The following SV2C variants were observed in gnomAD, a reference collection of about 807,000 sequenced individuals.
SV2C encodes solute carrier family 22 member B3.
Under a neutral mutation model 79.7 loss-of-function variants are expected in SV2C, and 49 were observed. The ratio of observed to expected loss-of-function variants is 0.61; its 90% CI spans 0.49 to 0.78. The LOEUF (loss-of-function observed/expected upper bound fraction) is 0.78, where lower values mean the gene tolerates loss of function less well. Ranked by LOEUF, SV2C falls within the 30% of genes least tolerant of loss-of-function variation. The probability of loss-of-function intolerance (pLI) is 0.00; values close to 1 mark genes in which losing one functional copy is unlikely to be tolerated. For missense variants in SV2C, 833 were observed against 912.9 expected (o/e 0.91, Z 1.13); for synonymous variants, 334 against 333.2 (o/e 1.00, Z -0.03).
At position 76,219,262 on chromosome 5, in the gene SV2C, A is replaced by G. The variant is rs191507373; in HGVS notation, c.913+9375A>G. On this transcript the variant is annotated intron_variant, in intron 4 of 12. Transcript: ENST00000502798. ...GTGATTTGGTACATTGACTTATACCAGTATTATTTCTTAATTTGTTAATTT... is the reference window on the plus strand; with the variant it reads ...GTGATTTGGTACATTGACTTATACCGGTATTATTTCTTAATTTGTTAATTT... 6.6e-5 allele frequency among the ~76,000 whole-genome samples: 10 copies of G among 152,350 alleles called. No homozygotes were observed. In the East Asian group the frequency reaches 1.2e-3, roughly 18 times the overall value.
the SV2C span, among the ~76,000 whole-genome samples, chr5:75,969,977 C>T: frequency 6.6e-6 from 1 of 152,108 alleles, no homozygotes; most frequent in African/African-American, 2.4e-5. Flanking sequence ...AACTGTCTCT[C>T]AGACCACAGT....
the SV2C span, among the ~76,000 whole-genome samples, chr5:75,853,040 T>G: frequency 6.6e-6 from 1 of 152,006 alleles, no homozygotes; most frequent in Non-Finnish European, 1.5e-5. Context: ...ACATAATAAA[T>G]ATATCAAAAA....
chr5:75,924,721 G>A, the SV2C span, among the ~76,000 whole-genome samples: 2 of 151,782 alleles, frequency 1.3e-5, no homozygotes, highest in African/African-American at 4.8e-5. Flanking sequence ...ACTGTCTGGA[G>A]GAAATTAAAA....
chr5:76,122,637 G>A (rs909917030), intron 1 of SV2C, among the ~76,000 whole-genome samples: 2 of 151,942 alleles, frequency 1.3e-5, no homozygotes, highest in Non-Finnish European at 2.9e-5. Context: ...GGTACATAAC[G>A]AAATGAAGGC....
intron 2 of SV2C, among the ~76,000 whole-genome samples, chr5:76,170,620 CATATA>C (rs1270776187): frequency 6.9e-6 from 1 of 145,118 alleles, no homozygotes; most frequent in Non-Finnish European, 1.5e-5. Flanking sequence ...AAAAAGGAAA[CATATA>C]ATAAGAGATT....
At chr5:75,940,553 A>G in the SV2C span, among the ~76,000 whole-genome samples, 1 of 152,168 alleles carries the variant, frequency 6.6e-6, no homozygotes, top group Admixed American at 6.5e-5. Context: ...GCCAGGCACA[A>G]TTCACAAAGA....
the SV2C span, among the ~76,000 whole-genome samples, chr5:75,996,883 G>A: frequency 3.0e-5 from 4 of 134,120 alleles, no homozygotes; most frequent in African/African-American, 1.1e-4. Flanking sequence ...GGAGATTTTG[G>A]GCTGAGACAG....
At chr5:76,028,215 G>T in the SV2C span, among the ~76,000 whole-genome samples, 34 of 152,128 alleles carry the variant, frequency 2.2e-4, no homozygotes, top group Admixed American at 1.0e-3. Flanking sequence ...TTGTCTCTCT[G>T]GATCACTGTC....
chr5:75,997,026 A>G, the SV2C span, among the ~76,000 whole-genome samples: 1 of 149,454 alleles, frequency 6.7e-6, no homozygotes, highest in Non-Finnish European at 1.5e-5. Flanking sequence ...ACTATGTTGA[A>G]TAGGAGTGGT....
At chr5:75,904,609 A>T in the SV2C span, among the ~76,000 whole-genome samples, 3 of 152,126 alleles carry the variant, frequency 2.0e-5, no homozygotes, top group African/African-American at 4.8e-5. Flanking sequence ...CCAACAAATG[A>T]TTCATCTGTC....
At chr5:76,121,875 C>T (rs1425016637) in intron 1 of SV2C, among the ~76,000 whole-genome samples, 1 of 151,880 alleles carries the variant, frequency 6.6e-6, no homozygotes, top group African/African-American at 2.4e-5. Context: ...TCCATATGAA[C>T]TTTAAAGTAG....
At chr5:76,165,364 G>T (rs1743015108) in intron 2 of SV2C, among the ~76,000 whole-genome samples, 1 of 151,914 alleles carries the variant, frequency 6.6e-6, no homozygotes, top group Non-Finnish European at 1.5e-5. Flanking sequence ...GTTTCTGTTT[G>T]TGTGTGTGGA....
chr5:76,245,918 G>GTGTGTGTGTGTGTGTGTA (rs1579982962), intron 4 of SV2C, among the ~76,000 whole-genome samples: 3 of 138,698 alleles, frequency 2.2e-5, no homozygotes, highest in East Asian at 3.9e-4. Context: ...GGGAGTGTGT[G>GTGTGTGTGTGTGTGTGTA]TGTGTGTGTG....
chr5:76,049,515 G>T, the SV2C span, among the ~76,000 whole-genome samples: 1,469 of 152,220 alleles, frequency 9.7e-3, 21 homozygotes, highest in African/African-American at 0.034. Context: ...AGCAAAGGGT[G>T]AATGATGGTT....
the SV2C span, among the ~76,000 whole-genome samples, chr5:76,011,343 A>C: frequency 6.6e-6 from 1 of 152,106 alleles, no homozygotes; most frequent in Non-Finnish European, 1.5e-5. Context: ...TAACTAGTAT[A>C]ATAGCTAGTT....
chr5:76,106,292 T>A (rs1364127173), intron 1 of SV2C, among the ~76,000 whole-genome samples: 1 of 152,256 alleles, frequency 6.6e-6, no homozygotes, highest in South Asian at 2.1e-4. Context: ...CTGTCTACTA[T>A]CCCGTGCCCC....
At chr5:75,875,651 T>A in the SV2C span, among the ~76,000 whole-genome samples, 4 of 151,848 alleles carry the variant, frequency 2.6e-5, no homozygotes, top group African/African-American at 4.8e-5. Context: ...GCCTACAGAA[T>A]GAGAGAATTT....
the SV2C span, among the ~76,000 whole-genome samples, chr5:75,993,116 AG>A: frequency 0.018 from 2,722 of 152,212 alleles, 81 homozygotes; most frequent in African/African-American, 0.062. Flanking sequence ...TGAGAAATAG[AG>A]TATTTTAGAG....
intron 4 of SV2C, among the ~76,000 whole-genome samples, chr5:76,262,248 T>C (rs1176965163): frequency 6.6e-6 from 1 of 152,238 alleles, no homozygotes; most frequent in Non-Finnish European, 1.5e-5. Flanking sequence ...TATTCTCTGA[T>C]GGTAGTTTGT....
Sources: gnomAD v4.1 joint callset for allele counts (sites outside exome capture counted in the v4.1 genomes callset) on GRCh38, gnomAD v4.1.1 for gene constraint, MANE v1.5 for transcripts, NCBI Gene and HGNC (gene_info 2026-07-23, HGNC 2026-07-21) for gene names.